Variants in ITGAM observed in about 807,000 individuals in gnomAD.
ITGAM encodes integrin subunit alpha M, also known as integrin alpha-M.
A neutral mutation model predicts 137.5 loss-of-function variants in ITGAM; 79 were observed. That is an observed-to-expected ratio of 0.57 (90% CI 0.48 to 0.69). ITGAM has a LOEUF of 0.69. Ranked by LOEUF, ITGAM falls within the 30% of genes least tolerant of loss-of-function variation. The pLI is 0.00. For missense variants in ITGAM, 1,343 were observed against 1,483.5 expected, an observed-to-expected ratio of 0.91 and a Z score of 1.56; for synonymous variants, 583 against 592.3, an observed-to-expected ratio of 0.98 and a Z score of 0.23.
Position 31,277,011 on chromosome 16 carries a change from T to G in ITGAM, c.1175T>G (p.Met392Arg). 1.2e-6 allele frequency: 2 copies of G among 1,613,144 alleles called. No homozygotes were observed. The highest frequency in any genetic ancestry group is 1.7e-6 in the Non-Finnish European group (2 of 1,179,568). Residue 392 changes from methionine to arginine, a missense_variant, in exon 11 of 30, where the codon ATG becomes AGG. Met to Arg is a moderately conservative substitution (Grantham distance 91). Transcript: ENST00000544665. Reference protein sequence around the residue: ...TSKEKSTFINMTRVDSDMNDA... With the variant: ...TSKEKSTFINRTRVDSDMNDA... ...AAGGAGAAAAGCACCTTCATCAACATGACCAGAGTGGATTCAGACATGAAT... is the reference window on the plus strand; with the variant it reads ...AAGGAGAAAAGCACCTTCATCAACAGGACCAGAGTGGATTCAGACATGAAT...
In ITGAM at chr16:31,270,137, GCTTTC is replaced by G. The variant is rs796696322; in HGVS notation, c.428-767_428-763del. On this transcript the variant is annotated intron_variant, in intron 5 of 29. Coordinates refer to ENST00000544665, the MANE Select transcript of ITGAM (RefSeq NM_000632.4). The stretch of plus-strand genomic sequence containing the variant: ...TCCTTCCTTCCTTCCTTCCTCCTTT[GCTTTC>G]CTTTCCTTTCCTTTCCTTTCCTTTC... Among the ~76,000 whole-genome samples the G allele has an allele frequency of 6.8e-3, 604 of 88,444 alleles. 9 individuals carry two copies. The highest frequency in any genetic ancestry group is 7.7e-3 in the Non-Finnish European group (333 of 43,056). The allele number at this position is 88,444 out of a possible 152,430, so 58.0% of individuals were successfully genotyped here. A position where few individuals can be genotyped will look rare whatever the true frequency, so the allele number is the denominator to read the frequency against.
At chr16:31,318,986 T>C (rs2080420554) in intron 14 of ITGAM, among the ~76,000 whole-genome samples, 1 of 152,168 alleles carries the variant, frequency 6.6e-6, no homozygotes, top group African/African-American at 2.4e-5. Context: ...GTGTATTGTT[T>C]AATTTTTACA....
Position 31,297,494 on chromosome 16 carries a change from T to C in ITGAM, c.1357-20T>C. The C allele has an allele frequency of 6.2e-7, 1 of 1,611,824 alleles. No homozygotes were observed. The highest frequency in any genetic ancestry group is 8.5e-7 in the Non-Finnish European group (1 of 1,179,780). On this transcript the variant is annotated intron_variant, in intron 12 of 29. Coordinates refer to ENST00000544665, the MANE Select transcript of ITGAM (RefSeq NM_000632.4). Reference sequence around the variant, plus strand: ...CTTTAGGTGGGAAGAGGTGTGTGATTACGGTCCTGTCTCTTTCAGATCGGC... The same window carrying C: ...CTTTAGGTGGGAAGAGGTGTGTGATCACGGTCCTGTCTCTTTCAGATCGGC...
intron 14 of ITGAM, among the ~76,000 whole-genome samples, chr16:31,301,645 A>G (rs576496004): frequency 6.6e-6 from 1 of 152,364 alleles, no homozygotes; most frequent in African/African-American, 2.4e-5. Context: ...TGATCACAGC[A>G]TAATGAATCC....
In ITGAM at chr16:31,324,699, T is replaced by C; in HGVS notation, c.2206T>C (p.Ser736Pro). Reference protein sequence around the residue: ...VSPIVLRLNFSLVGTPLSAFG... With the variant: ...VSPIVLRLNFPLVGTPLSAFG... ...CCCCATTGTGCTGCGCCTGAACTTC[T>C]CTCTGGTGGGAACGCCATTGTCTGC... The change falls in exon 18 of 30, where the codon TCT (serine) becomes CCT (proline). Residue 736 changes from serine (S) to proline (P), a missense_variant. Transcript: ENST00000544665. The surrounding 1 kb of genome is among the most constrained non-coding windows in gnomAD (Gnocchi z 4.5). The C allele has an allele frequency of 6.2e-7, 1 of 1,601,870 alleles. No individual in the cohort carries two copies. The highest frequency in any genetic ancestry group is 1.7e-4 in the Middle Eastern group (1 of 5,970).
intron 9 of ITGAM, 112 bp downstream of exon 9, chr16:31,275,811 ACT>A (rs1347209404): frequency 1.0e-6 from 1 of 953,074 alleles, no homozygotes; most frequent in East Asian, 2.7e-5. Context: ...CCCAGCATCA[ACT>A]CTCTCCACTT....
chr16:31,324,391 C>T lies in ITGAM; in HGVS notation c.2003-8C>T. ...GCCCCTCACTGCTGTGCCACCCTGTCCCTTCAGGACAGATCCAGAGTGTTG... is the reference window on the plus strand; with the variant it reads ...GCCCCTCACTGCTGTGCCACCCTGTTCCTTCAGGACAGATCCAGAGTGTTG... On this transcript the variant is annotated splice_polypyrimidine_tract_variant and splice_region_variant and intron_variant, in intron 16 of 29. Coordinates refer to ENST00000544665, the MANE Select transcript of ITGAM (RefSeq NM_000632.4). The surrounding 1 kb of genome is among the most constrained non-coding windows in gnomAD (Gnocchi z 4.5). 6.4e-7 allele frequency: 1 copy of T among 1,551,544 alleles called. No homozygotes were observed. The highest frequency in any genetic ancestry group is 8.7e-7 in the Non-Finnish European group (1 of 1,146,870).
chr16:31,265,534 C>A (rs1319919556), intron 3 of ITGAM, 36 bp downstream of exon 3: 29 of 1,386,770 alleles, frequency 2.1e-5, no homozygotes, highest in Non-Finnish European at 2.9e-5. Context: ...GACTGGGATT[C>A]CCCTGTGAAC....
intron 29 of ITGAM, 169 bp downstream of exon 29, chr16:31,331,444 C>A: frequency 1.5e-6 from 1 of 669,910 alleles, no homozygotes; most frequent in Non-Finnish European, 2.6e-6. Context: ...ATGCGCGGGG[C>A]GCGCTGAGAA....
chr16:31,297,701 A>G, intron 13 of ITGAM, 44 bp from the exon 14 acceptor site: 1 of 1,570,656 alleles, frequency 6.4e-7, no homozygotes, highest in Non-Finnish European at 8.6e-7. Context: ...GTGTGGGTGG[A>G]GGGGTCGCCT....
intron 7 of ITGAM, among the ~76,000 whole-genome samples, chr16:31,272,423 C>CTA (rs1307190696): frequency 0.012 from 386 of 31,410 alleles, 1 homozygote; most frequent in East Asian, 0.028. Flanking sequence ...GGCCAATTAA[C>CTA]TATATATATA....
Position 31,271,982 on chromosome 16 carries a change from C to A in ITGAM, c.694C>A (p.Arg232Ser). Residue 232 changes from arginine to serine, a missense_variant, in exon 7 of 30, where the codon CGC becomes AGC. Transcript: ENST00000544665. ...LGRTHTATGI[R>S]KVVRELFNIT... ...GCGGACACACACGGCCACGGGCATC[C>A]GCAAAGTGGTGTAAGCTTCCCCTTT... 6.2e-7 allele frequency: 1 copy of A among 1,613,968 alleles called. No individual in the cohort carries two copies. Among genetic ancestry groups the A allele is most frequent in the South Asian group, 1.1e-5 (1 of 91,086 alleles).
intron 23 of ITGAM, 56 bp from the exon 24 acceptor site, chr16:31,329,172 C>A: frequency 8.3e-7 from 1 of 1,205,010 alleles, no homozygotes; most frequent in Non-Finnish European, 1.2e-6. Flanking sequence ...CCTGAGACAC[C>A]CTCCCAGGGC....
At chr16:31,331,607 C>A (rs376905834) in intron 29 of ITGAM, 29 bp from the exon 30 acceptor site, 39 of 1,384,074 alleles carry the variant, frequency 2.8e-5, no homozygotes, top group African/African-American at 8.9e-5. Flanking sequence ...TGGCTGCTGT[C>A]GCTCTCACTG....
At chr16:31,294,805 A>G (rs2080117726) in intron 12 of ITGAM, among the ~76,000 whole-genome samples, 1 of 152,076 alleles carries the variant, frequency 6.6e-6, no homozygotes, top group South Asian at 2.1e-4. Flanking sequence ...CAGAAGCTTG[A>G]TTGTCAAGAA....
chr16:31,301,442 T>A (rs1567267404), intron 14 of ITGAM, among the ~76,000 whole-genome samples: 5 of 152,222 alleles, frequency 3.3e-5, no homozygotes, highest in Admixed American at 3.3e-4. Context: ...TTTATGCTAG[T>A]ACCATACTAT....
chr16:31,294,491 A>C (rs2080114466), intron 12 of ITGAM, among the ~76,000 whole-genome samples: 1 of 152,084 alleles, frequency 6.6e-6, no homozygotes, highest in Non-Finnish European at 1.5e-5. Context: ...TGAGATAATC[A>C]TGTGGTTTTT....
intron 21 of ITGAM, among the ~76,000 whole-genome samples, chr16:31,326,330 G>A (rs931051665): frequency 6.6e-6 from 1 of 152,062 alleles, no homozygotes; most frequent in African/African-American, 2.4e-5. Context: ...CCTTTCCCTA[G>A]CATAATATTA....
chr16:31,331,530 C>CCAG, intron 29 of ITGAM, 106 bp from the exon 30 acceptor site: 2 of 661,464 alleles, frequency 3.0e-6, no homozygotes, highest in Non-Finnish European at 2.7e-6. Flanking sequence ...CCCCGCCCTC[C>CCAG]TGGGTCCCTT....
Sources: allele counts gnomAD v4.1 joint callset (sites outside exome capture counted in the v4.1 genomes callset), GRCh38; gene constraint gnomAD v4.1.1; non-coding constraint Gnocchi (gnomAD v3.1); transcripts MANE v1.5; gene names NCBI Gene and HGNC (gene_info 2026-07-23, HGNC 2026-07-21).